The following COL28A1 variants were observed in gnomAD, a reference collection of about 807,000 sequenced individuals.
The protein encoded by COL28A1 is collagen type XXVIII alpha 1 chain.
Under a neutral mutation model 150.2 loss-of-function variants are expected in COL28A1, and 161 were observed. The ratio of observed to expected loss-of-function variants is 1.07; its 90% CI spans 0.94 to 1.22. The LOEUF is 1.22. Ranked by LOEUF, COL28A1 falls within the 50% of genes most tolerant of loss-of-function variation. The pLI is 0.00. For missense variants in COL28A1, 1,617 were observed against 1,388.3 expected, an observed-to-expected ratio of 1.16 and a Z score of -2.62; for synonymous variants, 552 against 469.7, an observed-to-expected ratio of 1.18 and a Z score of -2.26.
intron 3 of COL28A1, among the ~76,000 whole-genome samples, chr7:7,529,306 A>G (rs1286001764): frequency 6.8e-6 from 1 of 146,920 alleles, no homozygotes; most frequent in African/African-American, 2.6e-5. Flanking sequence ...AAAAAAAAAA[A>G]GAGTCAAGTT....
intron 27 of COL28A1, among the ~76,000 whole-genome samples, chr7:7,408,619 A>C (rs1783618851): frequency 6.6e-6 from 1 of 152,118 alleles, no homozygotes; most frequent in Non-Finnish European, 1.5e-5. Context: ...AGCCCCACCC[A>C]AGTGCAGCTA....
chr7:7,488,741 A>T (rs1779757380), intron 13 of COL28A1, among the ~76,000 whole-genome samples: 1 of 152,318 alleles, frequency 6.6e-6, no homozygotes, highest in South Asian at 2.1e-4. Context: ...CCTTATTCTC[A>T]GTGATTTTTC....
intron 21 of COL28A1, among the ~76,000 whole-genome samples, chr7:7,440,585 G>C (rs945687501): frequency 6.6e-6 from 1 of 152,198 alleles, no homozygotes; most frequent in Non-Finnish European, 1.5e-5. Context: ...ATTTCTATGA[G>C]TATTACATAT....
chr7:7,422,458 G>T (rs10216249), intron 25 of COL28A1, among the ~76,000 whole-genome samples: 1 of 151,932 alleles, frequency 6.6e-6, no homozygotes, highest in Non-Finnish European at 1.5e-5. Flanking sequence ...ATGAAACAGT[G>T]TCTCTACTAA....
intron 27 of COL28A1, among the ~76,000 whole-genome samples, chr7:7,417,075 T>C (rs982357415): frequency 3.3e-5 from 5 of 150,888 alleles, no homozygotes; most frequent in African/African-American, 7.3e-5. Context: ...AAAAAGAGAG[T>C]GAACCGATAA....
intron 4 of COL28A1, 58 bp downstream of exon 4, chr7:7,524,171 G>C: frequency 1.1e-6 from 1 of 904,098 alleles, no homozygotes; most frequent in African/African-American, 1.6e-5. Context: ...TTATAATGCT[G>C]ATTTGATAAT....
At chr7:7,539,983 T>C (rs1782756782), upstream of COL28A1, among the ~76,000 whole-genome samples, 1 of 152,210 alleles carries the variant, frequency 6.6e-6, no homozygotes, top group Admixed American at 6.6e-5. Context: ...ACTATTAATC[T>C]CTTTCTCTAA....
chr7:7,387,619 T>C (rs1042962560), intron 27 of COL28A1, among the ~76,000 whole-genome samples: 5 of 152,164 alleles, frequency 3.3e-5, no homozygotes, highest in Admixed American at 6.5e-5. Context: ...CAAAGTGATA[T>C]AGCAAATGTG....
At chr7:7,366,962 ATGTG>A in intron 33 of COL28A1, among the ~76,000 whole-genome samples, 1 of 152,200 alleles carries the variant, frequency 6.6e-6, no homozygotes, top group African/African-American at 2.4e-5. Context: ...TGTATATACT[ATGTG>A]TGTGTGTGTG....
At chr7:7,417,961 T>G in intron 26 of COL28A1, 34 bp from the exon 27 acceptor site, 1 of 1,556,630 alleles carries the variant, frequency 6.4e-7, no homozygotes, top group Non-Finnish European at 8.8e-7. Flanking sequence ...GAAGACAAAA[T>G]GTAAGAAGAT....
At chr7:7,445,705 CA>C (rs1786201786) in intron 18 of COL28A1, among the ~76,000 whole-genome samples, 1 of 151,406 alleles carries the variant, frequency 6.6e-6, no homozygotes, top group Admixed American at 6.6e-5. Flanking sequence ...TTAATAGCAA[CA>C]AAATGGAAAA....
In COL28A1 at chr7:7,429,460, CTG is replaced by C. The variant is rs200770639; in HGVS notation, c.1998+3011_1998+3012del. Among the ~76,000 whole-genome samples the C allele has an allele frequency of 7.2e-3, 935 of 130,524 alleles. 32 individuals carry two copies. Among genetic ancestry groups the C allele is most frequent in the African/African-American group, 0.03 (852 of 28,842 alleles). The allele number at this position is 130,524 out of a possible 152,430, so 85.6% of individuals were successfully genotyped here. A position where few individuals can be genotyped will look rare whatever the true frequency, so the allele number is the denominator to read the frequency against. ...CACACACTCTCTTTCTCTCTGTGCT[CTG>C]TGTGTGTGTGTGGGGGGGGGGATGG... On this transcript the variant is annotated intron_variant, in intron 25 of 34. Coordinates refer to ENST00000399429, the MANE Select transcript of COL28A1 (RefSeq NM_001037763.3).
chr7:7,419,474 A>G (rs994428837), intron 26 of COL28A1, among the ~76,000 whole-genome samples: 4 of 152,200 alleles, frequency 2.6e-5, no homozygotes, highest in Admixed American at 1.3e-4. Flanking sequence ...TCCAGGGACA[A>G]TCAGTCTAGA....
At chr7:7,382,275 A>G (rs1021241480) in intron 27 of COL28A1, among the ~76,000 whole-genome samples, 1 of 151,844 alleles carries the variant, frequency 6.6e-6, no homozygotes, top group Non-Finnish European at 1.5e-5. Flanking sequence ...GCACCACTGC[A>G]CTCCAGCCTG....
chr7:7,464,635 A>G (rs1396230746), intron 15 of COL28A1, among the ~76,000 whole-genome samples: 1 of 152,256 alleles, frequency 6.6e-6, no homozygotes, highest in Non-Finnish European at 1.5e-5. Flanking sequence ...GACACAACCT[A>G]TGAAAACCTC....
intron 13 of COL28A1, 40 bp from the exon 14 acceptor site, chr7:7,477,220 G>A (rs537427236): frequency 1.3e-5 from 11 of 873,976 alleles, no homozygotes; most frequent in African/African-American, 1.6e-5. Context: ...GGAGGAGAGA[G>A]AAAAGGGAAA....
chr7:7,456,132 G>A lies in COL28A1; in HGVS notation c.1303-20C>T. On this transcript the variant is annotated intron_variant, in intron 15 of 34. Coordinates refer to ENST00000399429, the MANE Select transcript of COL28A1 (RefSeq NM_001037763.3). The stretch of plus-strand genomic sequence containing the variant: ...ATCCCCCTGCACAGAAAATAAGCCA[G>A]GAAATATAACAATAAAATAAAATCT... 1 of 1,607,292 alleles carries A rather than the reference G, an allele frequency of 6.2e-7. No homozygotes were observed. The highest frequency in any genetic ancestry group is 8.5e-7 in the Non-Finnish European group (1 of 1,176,662).
At chr7:7,356,689 G>C (rs886958778), downstream of COL28A1, 1 of 150,738 alleles carries the variant, frequency 6.6e-6, no homozygotes, top group Non-Finnish European at 1.5e-5. Context: ...ACCAGGGCCT[G>C]TTGTGGGGTG....
At chr7:7,405,782 T>C (rs1783457309) in intron 27 of COL28A1, among the ~76,000 whole-genome samples, 1 of 152,176 alleles carries the variant, frequency 6.6e-6, no homozygotes, top group Non-Finnish European at 1.5e-5. Flanking sequence ...CCATGGAAAC[T>C]GTAACAATAT....
Sources: gnomAD v4.1 joint callset for allele counts (sites outside exome capture counted in the v4.1 genomes callset) on GRCh38, gnomAD v4.1.1 for gene constraint, MANE v1.5 for transcripts, NCBI Gene and HGNC (gene_info 2026-07-23, HGNC 2026-07-21) for gene names.